The following SAFB variants were observed in gnomAD, a reference collection of about 807,000 sequenced individuals.
SAFB encodes scaffold attachment factor B1.
A neutral mutation model predicts 101.6 loss-of-function variants in SAFB; 15 were observed. The ratio of observed to expected loss-of-function variants is 0.15; its 90% CI spans 0.10 to 0.23. The LOEUF (loss-of-function observed/expected upper bound fraction) is 0.23. Among genes scored for constraint, SAFB ranks in the 10% least tolerant of loss-of-function variants. The pLI is 1.00. For synonymous variants in SAFB, 449 were observed against 407.5 expected, an observed-to-expected ratio of 1.10 and a Z score of -1.23; for missense variants, 930 against 1,104.1, an observed-to-expected ratio of 0.84 and a Z score of 2.23.
Position 5,667,430 on chromosome 19 carries a change from G to C in SAFB, c.2537G>C (p.Arg846Thr). ...QGTADGGMMD[R>T]DHKRWQGGER... The stretch of plus-strand genomic sequence containing the variant: ...ACGGCCGACGGGGGCATGATGGACA[G>C]GGATCACAAGAGGTGGCAAGGTGAG... Residue 846 changes from arginine to threonine, a missense_variant, in exon 19 of 21, where the codon AGG becomes ACG. Coordinates refer to ENST00000588852, the MANE Select transcript of SAFB (RefSeq NM_001201338.2). This position sits in a 1 kb window ranked among gnomAD's most constrained non-coding sequence, Gnocchi z 4.0. The C allele has an allele frequency of 2.6e-6, 4 of 1,519,420 alleles. No individual in the cohort carries two copies. Among genetic ancestry groups the C allele is most frequent in the Non-Finnish European group, 3.5e-6 (4 of 1,138,856 alleles). The allele number at this position is 1,519,420 out of a possible 1,614,324, so 94.1% of individuals were successfully genotyped here. A position where few individuals can be genotyped will look rare whatever the true frequency, so the allele number is the denominator to read the frequency against.
rs1203898908 is a variant in SAFB at position 5,653,407 on chromosome 19, A to C, written c.1513A>C (p.Ser505Arg). Residue 505 changes from serine to arginine, a missense_variant, in exon 11 of 21, where the codon AGC becomes CGC. Ser to Arg is a moderately radical substitution (Grantham distance 110). Around this residue, in one of 7 missense-constraint regions of SAFB, gnomAD observed 92 missense variants for 83.8 expected, o/e 1.10. Coordinates refer to ENST00000588852, the MANE Select transcript of SAFB (RefSeq NM_001201338.2). ...RDSDGKKEKS[S>R]NSDRSTNLKR... ...CAGTGACGGGAAAAAGGAGAAGTCG[A>C]GCAACAGTGACAGGTACCCCTCCTT... 3.1e-6 allele frequency: 5 copies of C among 1,613,948 alleles called. No homozygotes were observed. Among genetic ancestry groups the C allele is most frequent in the Non-Finnish European group, 4.2e-6 (5 of 1,179,946 alleles).
chr19:5,653,003 T>C, intron 9 of SAFB, 112 bp from the exon 10 acceptor site: 1 of 1,052,668 alleles, frequency 9.5e-7, no homozygotes, highest in Non-Finnish European at 1.4e-6. Flanking sequence ...TCCTCCCCAG[T>C]CTAACACTTG....
At chr19:5,652,945 A>G (rs900328876) in intron 9 of SAFB, among the ~76,000 whole-genome samples, 170 bp from the exon 10 acceptor site, 1 of 152,202 alleles carries the variant, frequency 6.6e-6, no homozygotes, top group African/African-American at 2.4e-5. Context: ...AGAACTGGCC[A>G]GAGGTCCTTG....
At chr19:5,631,121 C>T (rs1159739865) in intron 2 of SAFB, among the ~76,000 whole-genome samples, 3 of 152,030 alleles carry the variant, frequency 2.0e-5, no homozygotes, top group African/African-American at 7.2e-5. Flanking sequence ...GCCTGGGAGG[C>T]GGAGGTTGCA....
In SAFB at chr19:5,657,296, C is replaced by T. The variant is rs1459947865; in HGVS notation, c.1811C>T (p.Ser604Phe). 3 of 1,613,892 alleles carry T rather than the reference C, an allele frequency of 1.9e-6. No homozygotes were observed. The highest frequency in any genetic ancestry group is 2.5e-6 in the Non-Finnish European group (3 of 1,179,972). Residue 604 changes from serine to phenylalanine, a missense_variant, in exon 14 of 21, where the codon TCC becomes TTC. This residue lies in a region of SAFB where 159 missense variants were observed against 234.1 expected (regional missense o/e 0.68). Coordinates refer to ENST00000588852, the MANE Select transcript of SAFB (RefSeq NM_001201338.2). ...AGCAGAGAGAAGCGGTCCGTCGTGT[C>T]CTTTGATAAGGTCAAGGAGCCTCGG... is the stretch of plus-strand genomic sequence containing the variant. ...SASREKRSVV[S>F]FDKVKEPRKS...
At position 5,664,419 on chromosome 19, in the gene SAFB, A is replaced by G. The variant is rs752216304; in HGVS notation, c.2314A>G (p.Met772Val). The G allele has an allele frequency of 1.2e-5, 19 of 1,613,526 alleles. No homozygotes were observed. In the South Asian group the frequency reaches 2.1e-4, roughly 18 times the overall value. ...CAGGAGAGAAGGTTCAAGGTCAATG[A>G]TGGGAGAACGAGAAGGACAGGTAAG... ...VDRREGSRSM[M>V]GEREGQHYPE... Residue 772 changes from methionine to valine, a missense_variant, in exon 17 of 21, where the codon ATG becomes GTG. Met to Val is a conservative substitution (Grantham distance 21). Transcript: ENST00000588852.
chr19:5,651,032 G>A lies in SAFB; in HGVS notation c.1253G>A (p.Arg418Lys). The A allele has an allele frequency of 6.2e-7, 1 of 1,610,838 alleles. No homozygotes were observed. The highest frequency in any genetic ancestry group is 2.2e-5 in the East Asian group (1 of 44,784). ...GTTAGTGGACTCTCTTCTACAACCA[G>A]AGCTACAGATTTGAAGAATCTTTTC... is the stretch of plus-strand genomic sequence containing the variant. ...FWVSGLSSTT[R>K]ATDLKNLFSK... Residue 418 changes from arginine (R) to lysine (K), a missense_variant, in exon 9 of 21, where the codon AGA becomes AAA. Coordinates refer to ENST00000588852, the MANE Select transcript of SAFB (RefSeq NM_001201338.2).
intron 8 of SAFB, among the ~76,000 whole-genome samples, chr19:5,650,774 G>A (rs913554783): frequency 6.6e-6 from 1 of 152,104 alleles, no homozygotes; most frequent in Non-Finnish European, 1.5e-5. Flanking sequence ...GTATTGTGAC[G>A]GGCCCTGTGG....
intron 2 of SAFB, among the ~76,000 whole-genome samples, chr19:5,637,213 G>A (rs1045227434): frequency 2.6e-5 from 4 of 151,064 alleles, no homozygotes; most frequent in Non-Finnish European, 5.9e-5. Context: ...GCGTGATGGC[G>A]GGTGCCTGTA....
intron 2 of SAFB, among the ~76,000 whole-genome samples, chr19:5,630,444 A>G (rs2053464862): frequency 6.6e-6 from 1 of 152,230 alleles, no homozygotes; most frequent in Non-Finnish European, 1.5e-5. Context: ...GTTACGCTTT[A>G]AAAGGACTTC....
At chr19:5,658,343 G>A (rs1424686689) in intron 14 of SAFB, among the ~76,000 whole-genome samples, 1 of 152,160 alleles carries the variant, frequency 6.6e-6, no homozygotes, top group African/African-American at 2.4e-5. Flanking sequence ...AAACACAAAC[G>A]TTATTGGCGA....
intron 15 of SAFB, among the ~76,000 whole-genome samples, chr19:5,663,501 A>G (rs1213485017): frequency 6.6e-6 from 1 of 152,212 alleles, no homozygotes; most frequent in African/African-American, 2.4e-5. Flanking sequence ...GGTCATATAT[A>G]CAATGCAACT....
At chr19:5,638,687 T>G (rs2145421538) in intron 2 of SAFB, among the ~76,000 whole-genome samples, 1 of 151,544 alleles carries the variant, frequency 6.6e-6, no homozygotes, top group South Asian at 2.1e-4. Flanking sequence ...GTTTTTTAGT[T>G]TCTTTTTTTT....
rs778471909 is a variant in SAFB, at chr19:5,667,793, C to T, written c.2558-27C>T. 1.1e-5 allele frequency: 18 copies of T among 1,613,232 alleles called. No individual in the cohort carries two copies. In the Admixed American group the frequency reaches 1.8e-4, roughly 16 times the overall value. Reference sequence around the variant, plus strand: ...GTTCCACGCCGTGTGCGCAAGTTCCCTGTGTGAAAGCACGTCTGTCTTCCA... The same window carrying T: ...GTTCCACGCCGTGTGCGCAAGTTCCTTGTGTGAAAGCACGTCTGTCTTCCA... On this transcript the variant is annotated intron_variant, in intron 19 of 20. Coordinates refer to ENST00000588852, the MANE Select transcript of SAFB (RefSeq NM_001201338.2). This position sits in a 1 kb window ranked among gnomAD's most constrained non-coding sequence, Gnocchi z 4.0.
At chr19:5,663,356 G>A (rs890525851) in intron 15 of SAFB, among the ~76,000 whole-genome samples, 1 of 152,204 alleles carries the variant, frequency 6.6e-6, no homozygotes, top group Admixed American at 6.5e-5. Context: ...AACACAAAAT[G>A]CTGAGCATGG....
chr19:5,641,988 T>A, intron 4 of SAFB, 42 bp downstream of exon 4: 2 of 1,478,994 alleles, frequency 1.4e-6, no homozygotes, highest in Non-Finnish European at 1.9e-6. Context: ...CCTGAATGTA[T>A]CAGTTCCACA....
rs2053886382 is a variant in SAFB at position 5,649,326 on chromosome 19, CGAGCTCGCGGAGGCCTCTAGCGAG to C, written c.984_1007del (p.Ser331_Ala338del). 1 of 371,384 alleles carries C rather than the reference CGAGCTCGCGGAGGCCTCTAGCGAG, an allele frequency of 2.7e-6. No individual in the cohort carries two copies. The highest frequency in any genetic ancestry group is 4.4e-6 in the Non-Finnish European group (1 of 227,116). 23.0% of individuals were successfully genotyped at this position (371,384 alleles called of 1,614,324 possible). On this transcript the variant is annotated inframe_deletion, in exon 7 of 21. Coordinates refer to ENST00000588852, the MANE Select transcript of SAFB (RefSeq NM_001201338.2). ...CAGTTGAGCAGAGTAGTGCGGCCTC[CGAGCTCGCGGAGGCCTCTAGCGAG>C]GAGCTCGCAGAAGCACCCACGGAAG... is the stretch of plus-strand genomic sequence containing the variant.
chr19:5,651,581 C>T (rs1280754887), intron 9 of SAFB, among the ~76,000 whole-genome samples: 1 of 152,328 alleles, frequency 6.6e-6, no homozygotes, highest in East Asian at 1.9e-4. Flanking sequence ...GGGGGCAGTT[C>T]TAGTGGCCTC....
At chr19:5,660,850 C>T (rs2054183453) in intron 14 of SAFB, among the ~76,000 whole-genome samples, 2 of 151,878 alleles carry the variant, frequency 1.3e-5, no homozygotes, top group Admixed American at 1.3e-4. Flanking sequence ...CTGCTAGCCC[C>T]ACCTCACAAA....
Sources: allele counts gnomAD v4.1 joint callset (sites outside exome capture counted in the v4.1 genomes callset), GRCh38; gene constraint gnomAD v4.1.1; regional missense constraint gnomAD v4.1.1; non-coding constraint Gnocchi (gnomAD v3.1); transcripts MANE v1.5; gene names NCBI Gene and HGNC (gene_info 2026-07-23, HGNC 2026-07-21).